Variants in SCHIP1 observed in about 807,000 individuals in gnomAD.
The protein encoded by SCHIP1 is schwannomin interacting protein 1, also known as schwannomin-interacting protein 1.
In SCHIP1, 8 loss-of-function variants were observed where a neutral mutation model predicts 29.7. The observed-to-expected ratio is 0.27, with a 90% CI of 0.16 to 0.49. The LOEUF is 0.49. Ranked by LOEUF, SCHIP1 falls within the 20% of genes least tolerant of loss-of-function variation. The pLI, the probability that SCHIP1 is intolerant of heterozygous loss-of-function variation, is 0.99. For missense variants in SCHIP1, 193 were observed against 294.6 expected (o/e 0.66, Z 2.52); for synonymous variants, 76 against 94.9 (o/e 0.80, Z 1.16).
the SCHIP1 span, among the ~76,000 whole-genome samples, chr3:159,495,201 C>G: frequency 1.3e-5 from 2 of 152,204 alleles, no homozygotes; most frequent in Admixed American, 6.5e-5. Context: ...TGGCACAAGA[C>G]AGGGATGCCC....
chr3:159,797,595 C>G, the SCHIP1 span, among the ~76,000 whole-genome samples: 1 of 145,888 alleles, frequency 6.9e-6, no homozygotes. Context: ...TTTTTTGAGA[C>G]AGTGTCTTGC....
the SCHIP1 span, among the ~76,000 whole-genome samples, chr3:159,313,358 T>C: frequency 4.6e-5 from 7 of 152,210 alleles, no homozygotes; most frequent in Non-Finnish European, 7.3e-5. Context: ...CACTTTCTGT[T>C]TGTTTTTCTG....
chr3:159,668,133 G>T, the SCHIP1 span, among the ~76,000 whole-genome samples: 1 of 152,092 alleles, frequency 6.6e-6, no homozygotes, highest in Admixed American at 6.5e-5. Context: ...ACTTTGGGAG[G>T]CTGAGGCAGG....
chr3:159,538,807 GT>G, the SCHIP1 span, among the ~76,000 whole-genome samples: 1,291 of 152,178 alleles, frequency 8.5e-3, 21 homozygotes, highest in African/African-American at 0.03. Context: ...TCAACATTAT[GT>G]TTGCTTTTCT....
the SCHIP1 span, among the ~76,000 whole-genome samples, chr3:159,691,631 A>G: frequency 6.6e-6 from 1 of 151,932 alleles, no homozygotes; most frequent in Non-Finnish European, 1.5e-5. Context: ...TGTGAATTTG[A>G]TCCTGTCATT....
At chr3:159,361,742 A>G in the SCHIP1 span, among the ~76,000 whole-genome samples, 2 of 152,192 alleles carry the variant, frequency 1.3e-5, no homozygotes, top group African/African-American at 4.8e-5. Context: ...TGGATTCTGG[A>G]TATATTTTAA....
the SCHIP1 span, among the ~76,000 whole-genome samples, chr3:159,517,881 C>T: frequency 6.6e-6 from 1 of 151,994 alleles, no homozygotes; most frequent in East Asian, 1.9e-4. Flanking sequence ...TTTAAAAAGA[C>T]TTAGTAAGTG....
the SCHIP1 span, among the ~76,000 whole-genome samples, chr3:159,731,826 T>G: frequency 6.6e-6 from 1 of 152,222 alleles, no homozygotes; most frequent in Non-Finnish European, 1.5e-5. Flanking sequence ...TTTCTGGCCT[T>G]TAAAATTAGC....
the SCHIP1 span, among the ~76,000 whole-genome samples, chr3:159,594,324 CT>C: frequency 6.6e-6 from 1 of 152,028 alleles, no homozygotes; most frequent in African/African-American, 2.4e-5. Flanking sequence ...TGTCTTTGAG[CT>C]TTTTTTTAAA....
chr3:159,759,018 T>C, the SCHIP1 span, among the ~76,000 whole-genome samples: 1 of 152,190 alleles, frequency 6.6e-6, no homozygotes, highest in African/African-American at 2.4e-5. Flanking sequence ...GTTTGGAAAA[T>C]AGGTTGTTGG....
the SCHIP1 span, among the ~76,000 whole-genome samples, chr3:159,750,257 GTGTGTGTATA>G: frequency 2.4e-4 from 33 of 135,118 alleles, no homozygotes; most frequent in African/African-American, 9.1e-4. Flanking sequence ...GTGTGTATGT[GTGTGTGTATA>G]TATATATATA....
chr3:159,503,784 G>C, the SCHIP1 span, among the ~76,000 whole-genome samples: 1 of 152,142 alleles, frequency 6.6e-6, no homozygotes, highest in Non-Finnish European at 1.5e-5. Flanking sequence ...CAATCATTCA[G>C]AATTTAGAGA....
At chr3:159,315,670 C>A in the SCHIP1 span, among the ~76,000 whole-genome samples, 2 of 151,944 alleles carry the variant, frequency 1.3e-5, no homozygotes, top group African/African-American at 4.8e-5. Flanking sequence ...AATAGTCATG[C>A]AAACTTAAGT....
chr3:159,507,958 G>A, the SCHIP1 span, among the ~76,000 whole-genome samples: 1 of 152,136 alleles, frequency 6.6e-6, no homozygotes, highest in Non-Finnish European at 1.5e-5. Context: ...CCAGGCTTTG[G>A]TATCAGGATG....
At chr3:159,453,157 A>G in the SCHIP1 span, among the ~76,000 whole-genome samples, 2 of 152,192 alleles carry the variant, frequency 1.3e-5, no homozygotes, top group African/African-American at 2.4e-5. Flanking sequence ...TGCAGGTACA[A>G]CGGCAGCCAC....
chr3:159,735,750 C>G, the SCHIP1 span, among the ~76,000 whole-genome samples: 3 of 152,094 alleles, frequency 2.0e-5, no homozygotes, highest in Admixed American at 1.3e-4. Context: ...AGTTCACATC[C>G]CAGCCTATAC....
the SCHIP1 span, among the ~76,000 whole-genome samples, chr3:159,821,563 TTCC>T: frequency 6.6e-6 from 1 of 152,186 alleles, no homozygotes; most frequent in Non-Finnish European, 1.5e-5. Context: ...TTTAATGCCT[TTCC>T]ATCTTAACTA....
the SCHIP1 span, among the ~76,000 whole-genome samples, chr3:159,386,497 C>G: frequency 3.3e-5 from 5 of 152,102 alleles, no homozygotes; most frequent in African/African-American, 7.2e-5. Flanking sequence ...TCAATGCTAT[C>G]CCAATCAAAC....
the SCHIP1 span, among the ~76,000 whole-genome samples, chr3:159,511,397 C>G: frequency 6.6e-6 from 1 of 152,200 alleles, no homozygotes; most frequent in Non-Finnish European, 1.5e-5. Flanking sequence ...AAGGGAACTC[C>G]CTGACCCCTT....
Sources: gnomAD v4.1 joint callset for allele counts (sites outside exome capture counted in the v4.1 genomes callset) on GRCh38, gnomAD v4.1.1 for gene constraint, MANE v1.5 for transcripts, NCBI Gene and HGNC (gene_info 2026-07-23, HGNC 2026-07-21) for gene names.